The following NRF1 variants were observed in gnomAD, a reference collection of about 807,000 sequenced individuals.
NRF1 encodes alpha palindromic-binding protein.
A neutral mutation model predicts 58.5 loss-of-function variants in NRF1; 5 were observed. That is an observed-to-expected ratio of 0.09 (90% CI 0.04 to 0.18). The LOEUF is 0.18. Among genes scored for constraint, NRF1 ranks in the 10% least tolerant of loss-of-function variants. The probability of loss-of-function intolerance (pLI) is 1.00; values close to 1 mark genes in which losing one functional copy is unlikely to be tolerated. For missense variants in NRF1, 288 were observed against 657.7 expected (o/e 0.44, Z 6.15); for synonymous variants, 224 against 246.7 (o/e 0.91, Z 0.86).
chr7:129,725,332 C>CT (rs886446824), intron 9 of NRF1, among the ~76,000 whole-genome samples: 1,697 of 143,896 alleles, frequency 0.012, 26 homozygotes, highest in African/African-American at 0.034. Flanking sequence ...TAATTATTAT[C>CT]TTTTTTTTTT....
chr7:129,735,282 A>G (rs1803680561), intron 10 of NRF1: 1 of 978,724 alleles, frequency 1.0e-6, no homozygotes, highest in Non-Finnish European at 1.2e-6. Context: ...CTGTAATCCC[A>G]GCACTTTGGG....
At chr7:129,706,920 T>C (rs1200184303) in intron 5 of NRF1, among the ~76,000 whole-genome samples, 1 of 152,194 alleles carries the variant, frequency 6.6e-6, no homozygotes, top group Non-Finnish European at 1.5e-5. Context: ...CTGATCACTT[T>C]AGGATTTCTG....
intron 5 of NRF1, among the ~76,000 whole-genome samples, chr7:129,707,717 T>C (rs779787340): frequency 4.6e-5 from 7 of 152,152 alleles, no homozygotes; most frequent in Non-Finnish European, 8.8e-5. Flanking sequence ...GTGTATTATA[T>C]CATATCCTGT....
chr7:129,689,598 G>A lies in NRF1; in HGVS notation c.466-808G>A, dbSNP rs117394227. Among the ~76,000 whole-genome samples, 747 of 152,266 alleles carry A rather than the reference G, an allele frequency of 4.9e-3. 26 individuals carry two copies. The East Asian group carries it at 0.079, about 16-fold the overall frequency. ...TATATTGGTGGTTGGAAGACCCAGC[G>A]TCTGTCCACCCTTTCTGTTCATGAT... On this transcript the variant is annotated intron_variant, in intron 4 of 10. Transcript: ENST00000393232.
At chr7:129,731,271 GAAA>G (rs10708899) in intron 10 of NRF1, among the ~76,000 whole-genome samples, 5 of 122,872 alleles carry the variant, frequency 4.1e-5, no homozygotes, top group Non-Finnish European at 3.4e-5. Context: ...ACTCCGTCTT[GAAA>G]AAAAAAAAAA....
At chr7:129,752,372 T>A (rs1452975042) in intron 10 of NRF1, among the ~76,000 whole-genome samples, 2 of 85,026 alleles carry the variant, frequency 2.4e-5, no homozygotes, top group Admixed American at 1.3e-4. Context: ...AGTCTGGGGG[T>A]GGGGGGCACC....
chr7:129,683,697 C>T (rs1802381502), intron 4 of NRF1, among the ~76,000 whole-genome samples: 2 of 137,372 alleles, frequency 1.5e-5, no homozygotes, highest in East Asian at 2.2e-4. Context: ...TGCAGTGGTG[C>T]GATCTCGGCT....
intron 1 of NRF1, among the ~76,000 whole-genome samples, chr7:129,623,680 G>C (rs942482161): frequency 2.6e-5 from 4 of 152,028 alleles, no homozygotes; most frequent in African/African-American, 9.7e-5. Flanking sequence ...TATACAAAAT[G>C]GAAAGCAAAT....
At chr7:129,727,495 A>C in intron 10 of NRF1, 130 bp downstream of exon 10, 5 of 823,700 alleles carry the variant, frequency 6.1e-6, no homozygotes, top group Non-Finnish European at 8.9e-6. Flanking sequence ...TAGACATTTC[A>C]TGCCTAGGAA....
chr7:129,727,692 A>T (rs755424333), intron 10 of NRF1, among the ~76,000 whole-genome samples: 22 of 152,180 alleles, frequency 1.4e-4, no homozygotes, highest in Non-Finnish European at 2.5e-4. Flanking sequence ...GTCTCATCGG[A>T]TAGGGTAGAT....
chr7:129,754,146 T>C (rs1804190016), intron 10 of NRF1, among the ~76,000 whole-genome samples: 1 of 152,082 alleles, frequency 6.6e-6, no homozygotes, highest in African/African-American at 2.4e-5. Flanking sequence ...TAAACTTTTC[T>C]TTTCTGATAG....
At chr7:129,679,313 A>T (rs1384005787) in intron 4 of NRF1, among the ~76,000 whole-genome samples, 1 of 152,242 alleles carries the variant, frequency 6.6e-6, no homozygotes, top group East Asian at 1.9e-4. Context: ...AGCTGCAAGT[A>T]ATAGAATCAA....
intron 4 of NRF1, among the ~76,000 whole-genome samples, chr7:129,679,722 C>CA (rs1312500356): frequency 5.4e-5 from 8 of 149,466 alleles, no homozygotes; most frequent in East Asian, 2.0e-4. Context: ...GACTCCATCT[C>CA]AAAAAAAAGA....
At chr7:129,731,203 G>T (rs1803569897) in intron 10 of NRF1, among the ~76,000 whole-genome samples, 1 of 151,478 alleles carries the variant, frequency 6.6e-6, no homozygotes, top group Admixed American at 6.6e-5. Context: ...CCCAGGAGAT[G>T]GAGATTGCAA....
chr7:129,715,591 C>T (rs566176046), intron 8 of NRF1, among the ~76,000 whole-genome samples: 2 of 152,230 alleles, frequency 1.3e-5, no homozygotes, highest in African/African-American at 4.8e-5. Flanking sequence ...TAGGCATTTA[C>T]CCTATAAATA....
chr7:129,710,298 C>A, intron 6 of NRF1, 76 bp from the exon 7 acceptor site: 1 of 1,290,232 alleles, frequency 7.8e-7, no homozygotes, highest in Non-Finnish European at 1.1e-6. Context: ...AAAGAAGTAG[C>A]TGCTTATTGC....
intron 1 of NRF1, among the ~76,000 whole-genome samples, chr7:129,624,233 T>G (rs1174407496): frequency 2.0e-5 from 3 of 152,198 alleles, no homozygotes; most frequent in Non-Finnish European, 4.4e-5. Flanking sequence ...TCCCTCTTTT[T>G]TGCGTTTTTC....
intron 1 of NRF1, among the ~76,000 whole-genome samples, chr7:129,649,940 A>G (rs1801498910): frequency 6.6e-6 from 1 of 151,776 alleles, no homozygotes; most frequent in Non-Finnish European, 1.5e-5. Context: ...TTTTGTAGAG[A>G]GGGGGTCTCC....
At chr7:129,663,254 C>G in intron 2 of NRF1, among the ~76,000 whole-genome samples, 1 of 152,316 alleles carries the variant, frequency 6.6e-6, no homozygotes, top group East Asian at 1.9e-4. Context: ...GGCCCGCTCT[C>G]GATGGTCGCT....
Sources: allele counts gnomAD v4.1 joint callset (sites outside exome capture counted in the v4.1 genomes callset), GRCh38; gene constraint gnomAD v4.1.1; transcripts MANE v1.5; gene names NCBI Gene and HGNC (gene_info 2026-07-23, HGNC 2026-07-21).